PAXIP1: variants seen among roughly 807,000 people sequenced by gnomAD.
PAXIP1 encodes PAX interacting protein 1, also known as PAX-interacting protein 1.
In PAXIP1, 19 loss-of-function variants were observed where a neutral mutation model predicts 140.6. The observed-to-expected ratio is 0.14, with a 90% CI of 0.09 to 0.20. The LOEUF is 0.20. Ranked by LOEUF, PAXIP1 falls within the 10% of genes least tolerant of loss-of-function variation. The pLI, the probability that PAXIP1 is intolerant of heterozygous loss-of-function variation, is 1.00. For synonymous variants in PAXIP1, 442 were observed against 444.6 expected (o/e 0.99, Z 0.07); for missense variants, 920 against 1,208.6 (o/e 0.76, Z 3.54).
chr7:154,971,942 C>T (rs533566876), intron 6 of PAXIP1, among the ~76,000 whole-genome samples: 7 of 152,278 alleles, frequency 4.6e-5, no homozygotes, highest in South Asian at 4.1e-4. Flanking sequence ...AGAAAATCTC[C>T]GCAATTCTTC....
intron 2 of PAXIP1, among the ~76,000 whole-genome samples, chr7:154,997,474 T>C (rs1483187804): frequency 6.6e-6 from 1 of 152,186 alleles, no homozygotes; most frequent in South Asian, 2.1e-4. Context: ...ACTTTCATAC[T>C]GATTTCTTTT....
At chr7:154,998,000 G>C (rs1810716697) in intron 2 of PAXIP1, among the ~76,000 whole-genome samples, 1 of 152,216 alleles carries the variant, frequency 6.6e-6, no homozygotes, top group South Asian at 2.1e-4. Flanking sequence ...CAAGGCATCA[G>C]ATCTGTTTCC....
Position 154,991,018 on chromosome 7 carries a change from G to A in PAXIP1, c.312C>T (p.Ala104=). Residue 104 remains alanine, a synonymous_variant, in exon 4 of 21, where the codon GCC becomes GCT. Coordinates refer to ENST00000404141, the MANE Select transcript of PAXIP1 (RefSeq NM_007349.4). The part of the protein sequence containing the change: ...ESCQIFFGIT[A]CLSQVSSEDR... The stretch of plus-strand genomic sequence containing the variant: ...TAACCATGCTTACCTGAGAAAGGCA[G>A]GCAGTGATTCCAAAAAAAATCTGAC... 1 of 1,551,536 alleles carries A rather than the reference G, an allele frequency of 6.4e-7. No individual in the cohort carries two copies. Among genetic ancestry groups the A allele is most frequent in the Non-Finnish European group, 8.7e-7 (1 of 1,144,624 alleles).
chr7:154,961,095 A>G lies in PAXIP1; in HGVS notation c.2250-18T>C. The stretch of plus-strand genomic sequence containing the variant: ...CAGTTGGTCTTTTTATTTTTTGAGG[A>G]GAAAACATATTTATTAAATGTTAGA... On this transcript the variant is annotated intron_variant, in intron 11 of 20. Transcript: ENST00000404141. 6.7e-7 allele frequency: 1 copy of G among 1,493,884 alleles called. No homozygotes were observed. Among genetic ancestry groups the G allele is most frequent in the Non-Finnish European group, 9.0e-7 (1 of 1,109,686 alleles). The allele number at this position is 1,493,884 out of a possible 1,614,324, so 92.5% of individuals were successfully genotyped here.
chr7:154,968,526 G>C lies in PAXIP1; in HGVS notation c.1675C>G (p.Gln559Glu). The change falls in exon 7 of 21, where the codon CAG (glutamine) becomes GAG (glutamate). Residue 559 changes from glutamine to glutamate, a missense_variant. Around this residue, in one of 5 missense-constraint regions of PAXIP1, gnomAD observed 133 missense variants for 88.4 expected, o/e 1.50. Coordinates refer to ENST00000404141, the MANE Select transcript of PAXIP1 (RefSeq NM_007349.4). ...TGATGCTGCAGCGCCTGTGACGTCT[G>C]ACTCAAGTGTGGCGCTGTCTGACTT... is the stretch of plus-strand genomic sequence containing the variant. ...MQSQTAPHLS[Q>E]TSQALQHQVP... 1.3e-6 allele frequency: 1 copy of C among 783,682 alleles called. No homozygotes were observed. The highest frequency in any genetic ancestry group is 2.2e-6 in the Non-Finnish European group (1 of 445,632). The allele number at this position is 783,682 out of a possible 1,614,324, so 48.5% of individuals were successfully genotyped here.
intron 13 of PAXIP1, 140 bp downstream of exon 13, chr7:154,959,750 C>T (rs1808676250): frequency 3.1e-6 from 2 of 635,976 alleles, no homozygotes; most frequent in Admixed American, 5.5e-5. Flanking sequence ...AAAAATCAGT[C>T]CTAGGATTTA....
At position 154,963,769 on chromosome 7, in the gene PAXIP1, A is replaced by G; in HGVS notation, c.1894-3T>C. The G allele has an allele frequency of 6.2e-7, 1 of 1,607,042 alleles. No individual in the cohort carries two copies. Among genetic ancestry groups the G allele is most frequent in the Non-Finnish European group, 8.5e-7 (1 of 1,174,604 alleles). On this transcript the variant is annotated splice_region_variant and splice_polypyrimidine_tract_variant and intron_variant, in intron 8 of 20. Coordinates refer to ENST00000404141, the MANE Select transcript of PAXIP1 (RefSeq NM_007349.4). This position sits in a 1 kb window ranked among gnomAD's most constrained non-coding sequence, Gnocchi z 4.1. ...GTGCCGCCATGTGCCTGGATTATCT[A>G]CACACAAAGACCCGACCAATGCAGT...
chr7:154,969,263 G>T, intron 6 of PAXIP1, 137 bp from the exon 7 acceptor site: 1 of 900,014 alleles, frequency 1.1e-6, no homozygotes, highest in Non-Finnish European at 1.6e-6. Context: ...ATTGGAAACT[G>T]CAAAAACAAT....
intron 20 of PAXIP1, chr7:154,944,510 A>C: frequency 1.1e-5 from 2 of 178,340 alleles, no homozygotes; most frequent in East Asian, 1.5e-4. Context: ...CCCACCACAA[A>C]TAGCTGACTC....
chr7:154,991,978 G>C (rs971573038), intron 3 of PAXIP1, among the ~76,000 whole-genome samples: 5 of 152,070 alleles, frequency 3.3e-5, no homozygotes, highest in African/African-American at 1.2e-4. Flanking sequence ...AGACTTCCCT[G>C]GCTGTAAAAA....
Position 154,947,936 on chromosome 7 carries a change from G to A in PAXIP1, c.2889C>T (p.Ser963=). ...EVLFSFSLEE[S]LKRAHVSPLF... The stretch of plus-strand genomic sequence containing the variant: ...GTGGAGAAACGTGTGCCCGTTTTAA[G>A]GATTCTTCCAAGCTGAAAGAGAAAA... The change falls in exon 17 of 21, where the codon TCC becomes TCT. Residue 963 remains serine (S), a synonymous_variant. Transcript: ENST00000404141. 6.2e-7 allele frequency: 1 copy of A among 1,613,086 alleles called. No homozygotes were observed. The highest frequency in any genetic ancestry group is 8.5e-7 in the Non-Finnish European group (1 of 1,179,090).
At position 154,963,900 on chromosome 7, in the gene PAXIP1, T is replaced by C. The variant is rs1808881023; in HGVS notation, c.1894-134A>G. 3.0e-6 allele frequency: 2 copies of C among 663,640 alleles called. No homozygotes were observed. The highest frequency in any genetic ancestry group is 2.7e-6 in the Non-Finnish European group (1 of 366,750). The allele number at this position is 663,640 out of a possible 1,614,324, so 41.1% of individuals were successfully genotyped here. On this transcript the variant is annotated intron_variant, in intron 8 of 20. Coordinates refer to ENST00000404141, the MANE Select transcript of PAXIP1 (RefSeq NM_007349.4). The surrounding 1 kb of genome is among the most constrained non-coding windows in gnomAD (Gnocchi z 4.1). ...GTATTTCCTCAAAGTATCAAGGACA[T>C]GTAACAGTTCTATTTACGGACTTTT... is the stretch of plus-strand genomic sequence containing the variant.
intron 17 of PAXIP1, 71 bp downstream of exon 17, chr7:154,947,832 C>T (rs954809744): frequency 1.8e-6 from 2 of 1,089,678 alleles, no homozygotes; most frequent in South Asian, 2.5e-5. Context: ...ACCAAATCAC[C>T]TGGTAGTTCC....
rs1167843050 is a variant in PAXIP1 at position 154,946,497 on chromosome 7, A to G, written c.3133+15T>C. The G allele has an allele frequency of 6.2e-7, 1 of 1,612,988 alleles. No individual in the cohort carries two copies. The highest frequency in any genetic ancestry group is 1.1e-5 in the South Asian group (1 of 91,068). ...GCGTGCACACATACTCACACAGGTAAGCGGGGAAACGTACCTATGCCTCTG... is the reference window on the plus strand; with the variant it reads ...GCGTGCACACATACTCACACAGGTAGGCGGGGAAACGTACCTATGCCTCTG... On this transcript the variant is annotated intron_variant, in intron 19 of 20. Coordinates refer to ENST00000404141, the MANE Select transcript of PAXIP1 (RefSeq NM_007349.4). This position sits in a 1 kb window ranked among gnomAD's most constrained non-coding sequence, Gnocchi z 4.9.
chr7:155,001,094 T>C (rs1357975311), intron 1 of PAXIP1: 1 of 152,242 alleles, frequency 6.6e-6, no homozygotes, highest in Non-Finnish European at 1.5e-5. Context: ...ACATGTGAAC[T>C]TATAATCCAC....
intron 16 of PAXIP1, among the ~76,000 whole-genome samples, chr7:154,952,668 A>G (rs1298180814): frequency 6.6e-6 from 1 of 152,172 alleles, no homozygotes; most frequent in Non-Finnish European, 1.5e-5. Context: ...GTTATATATG[A>G]TTGGCTGATG....
chr7:154,959,739 G>GA lies in PAXIP1; in HGVS notation c.2478+150dup, dbSNP rs1808675971. Reference sequence around the variant, plus strand: ...AAAGTTCTTGCCTTTCTAACCCTATGAAAAATCAGTCCTAGGATTTACTGG... The same window carrying GA: ...AAAGTTCTTGCCTTTCTAACCCTATGAAAAAATCAGTCCTAGGATTTACTGG... On this transcript the variant is annotated intron_variant, in intron 13 of 20. Coordinates refer to ENST00000404141, the MANE Select transcript of PAXIP1 (RefSeq NM_007349.4). The GA allele has an allele frequency of 5.0e-6, 3 of 595,932 alleles. No individual in the cohort carries two copies. In the African/African-American group the frequency reaches 5.6e-5, roughly 11 times the overall value. The allele number at this position is 595,932 out of a possible 1,614,324, so 36.9% of individuals were successfully genotyped here.
At position 154,976,348 on chromosome 7, in the gene PAXIP1, AAC is replaced by A. The variant is rs1809578284; in HGVS notation, c.439-19_439-18del. 4 of 1,543,808 alleles carry A rather than the reference AAC, an allele frequency of 2.6e-6. No individual in the cohort carries two copies. Among genetic ancestry groups the A allele is most frequent in the African/African-American group, 1.4e-5 (1 of 72,386 alleles). On this transcript the variant is annotated intron_variant, in intron 5 of 20. Transcript: ENST00000404141. ...GTATTTCTCCTACGAGGAAAGCAGA[AAC>A]ACACACAAAACAAAGCTGTAAATTT...
chr7:154,991,558 G>C (rs142699161), intron 3 of PAXIP1, among the ~76,000 whole-genome samples: 2 of 152,300 alleles, frequency 1.3e-5, no homozygotes, highest in East Asian at 1.9e-4. Context: ...CGCTAACTTT[G>C]TGAACTTAGG....
Sources: allele counts gnomAD v4.1 joint callset (sites outside exome capture counted in the v4.1 genomes callset), GRCh38; gene constraint gnomAD v4.1.1; regional missense constraint gnomAD v4.1.1; non-coding constraint Gnocchi (gnomAD v3.1); transcripts MANE v1.5; gene names NCBI Gene and HGNC (gene_info 2026-07-23, HGNC 2026-07-21).